Variants in MECOM observed in about 807,000 individuals in gnomAD.
MECOM encodes the protein MDS1 and EVI1 complex locus, also known as histone-lysine N-methyltransferase MECOM.
MECOM carries 13 observed loss-of-function variants against 116.3 expected under a neutral mutation model. That is an observed-to-expected ratio of 0.11 (90% CI 0.07 to 0.18). The LOEUF is 0.18. Among genes scored for constraint, MECOM ranks in the 10% least tolerant of loss-of-function variants. The pLI, the probability that MECOM is intolerant of heterozygous loss-of-function variation, is 1.00. For synonymous variants in MECOM, 528 were observed against 535.2 expected (o/e 0.99, Z 0.19); for missense variants, 1,299 against 1,509.0 (o/e 0.86, Z 2.31).
At chr3:169,485,250 C>T (rs1341780362) in intron 1 of MECOM, among the ~76,000 whole-genome samples, 1 of 152,152 alleles carries the variant, frequency 6.6e-6, no homozygotes. Context: ...CCGCCTCGGC[C>T]TCCCAAAGTG....
In MECOM at chr3:169,147,707, A is replaced by G. The variant is rs1269849159; in HGVS notation, c.376-3875T>C. On this transcript the variant is annotated intron_variant, in intron 2 of 16. Coordinates refer to ENST00000651503, the MANE Select transcript of MECOM (RefSeq NM_004991.4). Reference sequence around the variant, plus strand: ...GCCTCCGTTTCGATGTCTTGAAAGCACAAGTGTGGTGTGTGTGTGTGTGTG... The same window carrying G: ...GCCTCCGTTTCGATGTCTTGAAAGCGCAAGTGTGGTGTGTGTGTGTGTGTG... 3.1e-6 allele frequency: 3 copies of G among 977,048 alleles called. No homozygotes were observed. In the African/African-American group the frequency reaches 5.7e-5, roughly 19 times the overall value. The allele number at this position is 977,048 out of a possible 1,614,324, so 60.5% of individuals were successfully genotyped here. A position where few individuals can be genotyped will look rare whatever the true frequency, so the allele number is the denominator to read the frequency against.
chr3:169,158,426 G>A (rs1454762528), intron 2 of MECOM, among the ~76,000 whole-genome samples: 3 of 152,174 alleles, frequency 2.0e-5, no homozygotes, highest in African/African-American at 7.2e-5. Flanking sequence ...GAGAGAAAGA[G>A]GGAGGGAGAA....
chr3:169,125,125 A>C (rs999596595), intron 5 of MECOM, among the ~76,000 whole-genome samples: 7 of 152,140 alleles, frequency 4.6e-5, no homozygotes, highest in African/African-American at 1.4e-4. Flanking sequence ...TATTCTGAGC[A>C]CAGGTGGTGA....
intron 1 of MECOM, among the ~76,000 whole-genome samples, chr3:169,588,941 A>G (rs1011240158): frequency 2.0e-5 from 3 of 152,180 alleles, no homozygotes; most frequent in Non-Finnish European, 4.4e-5. Context: ...GAAATCTTTT[A>G]GGTAAATGAA....
At chr3:169,629,549 G>A (rs972198095) in intron 1 of MECOM, among the ~76,000 whole-genome samples, 2 of 151,994 alleles carry the variant, frequency 1.3e-5, no homozygotes, top group South Asian at 2.1e-4. Context: ...CTCCCCAGCC[G>A]AGAGCTCCTG....
intron 1 of MECOM, among the ~76,000 whole-genome samples, chr3:169,478,440 T>G (rs1477349328): frequency 6.6e-6 from 1 of 152,144 alleles, no homozygotes; most frequent in African/African-American, 2.4e-5. Context: ...TTAATAGCTA[T>G]TGTGCAGATA....
intron 1 of MECOM, among the ~76,000 whole-genome samples, chr3:169,559,274 T>G (rs1440043356): frequency 6.6e-6 from 1 of 152,228 alleles, no homozygotes; most frequent in Non-Finnish European, 1.5e-5. Context: ...CTCTATATTC[T>G]TGACTGGGTG....
intron 1 of MECOM, among the ~76,000 whole-genome samples, chr3:169,441,634 G>T (rs1032526058): frequency 6.6e-6 from 1 of 151,860 alleles, no homozygotes; most frequent in East Asian, 1.9e-4. Flanking sequence ...GGACTTGTCT[G>T]CAATTATGTC....
At chr3:169,663,206 G>C (rs886781093) in intron 1 of MECOM, 130 bp downstream of exon 1, 1 of 1,048,834 alleles carries the variant, frequency 9.5e-7, no homozygotes, top group Non-Finnish European at 1.4e-6. Context: ...CTGGGGCTGC[G>C]CTCCGCCTGC....
At chr3:169,295,315 G>T (rs1014982210) in intron 2 of MECOM, among the ~76,000 whole-genome samples, 4 of 152,168 alleles carry the variant, frequency 2.6e-5, no homozygotes, top group Non-Finnish European at 5.9e-5. Context: ...TGACTCGAAG[G>T]ATTTGCCACC....
chr3:169,607,047 C>T (rs1768670821), intron 1 of MECOM, among the ~76,000 whole-genome samples: 1 of 152,106 alleles, frequency 6.6e-6, no homozygotes, highest in South Asian at 2.1e-4. Flanking sequence ...GCCATTTTAA[C>T]CTCATTGAAC....
chr3:169,340,106 T>C (rs1402485215), intron 2 of MECOM, among the ~76,000 whole-genome samples: 4 of 152,218 alleles, frequency 2.6e-5, no homozygotes, highest in South Asian at 2.1e-4. Flanking sequence ...TGCACATTTT[T>C]CACATATTTA....
At chr3:169,439,463 C>A (rs1381871141) in intron 1 of MECOM, among the ~76,000 whole-genome samples, 1 of 151,368 alleles carries the variant, frequency 6.6e-6, no homozygotes, top group Non-Finnish European at 1.5e-5. Context: ...TTAAAATAGG[C>A]CATAGACATA....
intron 1 of MECOM, among the ~76,000 whole-genome samples, chr3:169,397,373 C>T (rs1354619823): frequency 6.6e-6 from 1 of 152,154 alleles, no homozygotes; most frequent in African/African-American, 2.4e-5. Context: ...GAACAATGAG[C>T]AATATTTAAT....
chr3:169,323,928 G>C (rs1175603812), intron 2 of MECOM, among the ~76,000 whole-genome samples: 1 of 152,096 alleles, frequency 6.6e-6, no homozygotes, highest in African/African-American at 2.4e-5. Context: ...AAGCCTCCTT[G>C]GCTATTTTTC....
At chr3:169,385,103 CAAAAAAAAAAAA>C (rs751654546) in intron 1 of MECOM, among the ~76,000 whole-genome samples, 1 of 81,328 alleles carries the variant, frequency 1.2e-5, no homozygotes, top group Non-Finnish European at 2.3e-5. Context: ...GACCCTGTCT[CAAAAAAAAAAAA>C]AAAAAAAAGC....
At chr3:169,328,337 G>T (rs1247294975) in intron 2 of MECOM, among the ~76,000 whole-genome samples, 1 of 152,140 alleles carries the variant, frequency 6.6e-6, no homozygotes, top group Admixed American at 6.5e-5. Context: ...CAACATCTCA[G>T]ATTTTATAAG....
At chr3:169,135,299 C>A (rs1162329605) in intron 3 of MECOM, among the ~76,000 whole-genome samples, 1 of 151,886 alleles carries the variant, frequency 6.6e-6, no homozygotes, top group East Asian at 1.9e-4. Flanking sequence ...TAAAAATATC[C>A]TGGATCTGAA....
At chr3:169,092,746 T>A (rs953623347) in intron 14 of MECOM, among the ~76,000 whole-genome samples, 1 of 152,150 alleles carries the variant, frequency 6.6e-6, no homozygotes, top group Non-Finnish European at 1.5e-5. Context: ...AAAATTATAG[T>A]GGCTATCTCA....
Sources: gnomAD v4.1 joint callset for allele counts (sites outside exome capture counted in the v4.1 genomes callset) on GRCh38, gnomAD v4.1.1 for gene constraint, MANE v1.5 for transcripts, NCBI Gene and HGNC (gene_info 2026-07-23, HGNC 2026-07-21) for gene names.